MAGI2: variants seen among roughly 807,000 people sequenced by gnomAD.
The protein encoded by MAGI2 is membrane associated guanylate kinase, WW and PDZ domain containing 2.
A neutral mutation model predicts 133.3 loss-of-function variants in MAGI2; 35 were observed. That is an observed-to-expected ratio of 0.26 (90% confidence interval 0.20 to 0.35). The LOEUF is 0.35. MAGI2 is among the 10% of genes least tolerant of loss of function. The pLI is 1.00. For synonymous variants in MAGI2, 729 were observed against 710.6 expected, an observed-to-expected ratio of 1.03 and a Z score of -0.41; for missense variants, 1,636 against 1,863.4, an observed-to-expected ratio of 0.88 and a Z score of 2.25.
At chr7:79,294,721 C>CTTTTTTT (rs1161010284) in intron 1 of MAGI2, among the ~76,000 whole-genome samples, 36 of 83,180 alleles carry the variant, frequency 4.3e-4, no homozygotes, top group Admixed American at 6.1e-4. Context: ...ATTTTGGTAG[C>CTTTTTTT]TTTTTTTTTT....
intron 1 of MAGI2, among the ~76,000 whole-genome samples, chr7:79,374,337 C>A (rs1843242558): frequency 6.6e-6 from 1 of 151,616 alleles, no homozygotes; most frequent in Non-Finnish European, 1.5e-5. Flanking sequence ...CAAACACACA[C>A]ACACACACAC....
chr7:78,249,744 A>T (rs1584559886), intron 10 of MAGI2, among the ~76,000 whole-genome samples: 3 of 152,078 alleles, frequency 2.0e-5, no homozygotes, highest in Admixed American at 2.0e-4. Flanking sequence ...TGTACAAAGG[A>T]TACGAAGTTA....
chr7:79,110,155 T>C (rs2129543826), intron 1 of MAGI2, among the ~76,000 whole-genome samples: 1 of 145,204 alleles, frequency 6.9e-6, no homozygotes. Context: ...AGAGGATGCA[T>C]GGAAAAGCCT....
intron 2 of MAGI2, among the ~76,000 whole-genome samples, chr7:78,778,375 T>C (rs1375707959): frequency 6.6e-6 from 1 of 152,218 alleles, no homozygotes; most frequent in Non-Finnish European, 1.5e-5. Context: ...ATTCTCACCT[T>C]ATAACATGAT....
chr7:78,803,921 G>C (rs1436605900), intron 2 of MAGI2, among the ~76,000 whole-genome samples: 2 of 152,162 alleles, frequency 1.3e-5, no homozygotes, highest in Non-Finnish European at 2.9e-5. Flanking sequence ...GAATAAGAAA[G>C]CCATGCTTAA....
chr7:78,626,341 T>C (rs1386638929), intron 3 of MAGI2, among the ~76,000 whole-genome samples: 1 of 152,196 alleles, frequency 6.6e-6, no homozygotes, highest in South Asian at 2.1e-4. Flanking sequence ...AATTGATAAA[T>C]GCAATCATAT....
At chr7:78,852,494 A>G (rs1001340622) in intron 2 of MAGI2, among the ~76,000 whole-genome samples, 1 of 152,098 alleles carries the variant, frequency 6.6e-6, no homozygotes, top group African/African-American at 2.4e-5. Flanking sequence ...CATTCTAAAA[A>G]TTTTAAAAGT....
At chr7:79,071,403 C>A (rs915649813) in intron 1 of MAGI2, among the ~76,000 whole-genome samples, 1 of 152,144 alleles carries the variant, frequency 6.6e-6, no homozygotes, top group Non-Finnish European at 1.5e-5. Context: ...TGGGAGGTGT[C>A]TCCTAGTCAG....
chr7:78,427,317 A>C (rs1799373350), intron 6 of MAGI2, among the ~76,000 whole-genome samples: 1 of 152,152 alleles, frequency 6.6e-6, no homozygotes, highest in Non-Finnish European at 1.5e-5. Flanking sequence ...GGATAAAAAA[A>C]GGCAATCCAA....
rs373211023 is a variant in MAGI2, at chr7:78,447,644, A to G, written c.1045+42117T>C. 2.6e-5 allele frequency among the ~76,000 whole-genome samples: 4 copies of G among 152,262 alleles called. No individual in the cohort carries two copies. The East Asian group carries it at 7.7e-4, about 29-fold the overall frequency. On this transcript the variant is annotated intron_variant, in intron 6 of 21. Transcript: ENST00000354212. ...GACTAGCTCACCTGGGGACACAAAC[A>G]GAGCAAAAGAGAAGAGGCCTAAGAA...
intron 9 of MAGI2, among the ~76,000 whole-genome samples, chr7:78,310,210 G>T (rs1798582807): frequency 6.6e-6 from 1 of 152,138 alleles, no homozygotes; most frequent in Admixed American, 6.5e-5. Context: ...GCAGAGGCGG[G>T]AGGATCATGA....
At chr7:78,059,019 G>T (rs1266237073) in intron 21 of MAGI2, among the ~76,000 whole-genome samples, 1 of 152,098 alleles carries the variant, frequency 6.6e-6, no homozygotes, top group African/African-American at 2.4e-5. Context: ...AAGGCTCTTG[G>T]TATTGACAAC....
chr7:78,066,461 TA>T (rs5885038), intron 21 of MAGI2, among the ~76,000 whole-genome samples: 63,043 of 146,414 alleles, frequency 0.43, 13,428 homozygotes, highest in East Asian at 0.58. Flanking sequence ...GACTCTGTCT[TA>T]AAAAAAAAAA....
At chr7:78,610,079 AC>A (rs1287878895) in intron 3 of MAGI2, among the ~76,000 whole-genome samples, 3 of 151,918 alleles carry the variant, frequency 2.0e-5, no homozygotes, top group Admixed American at 6.6e-5. Flanking sequence ...CTTCCACTCT[AC>A]CCCTTGATTC....
chr7:79,290,359 T>C, intron 1 of MAGI2, among the ~76,000 whole-genome samples: 1 of 150,342 alleles, frequency 6.7e-6, no homozygotes, highest in African/African-American at 2.4e-5. Context: ...TATATATATG[T>C]ATATATATGT....
At chr7:79,408,335 A>G (rs1299290986) in intron 1 of MAGI2, among the ~76,000 whole-genome samples, 1 of 152,092 alleles carries the variant, frequency 6.6e-6, no homozygotes, top group Non-Finnish European at 1.5e-5. Context: ...GAAGTAATAT[A>G]TCAATATAAC....
chr7:79,059,332 C>G (rs531354982), intron 1 of MAGI2, among the ~76,000 whole-genome samples: 1 of 152,120 alleles, frequency 6.6e-6, no homozygotes, highest in South Asian at 2.1e-4. Context: ...CATCCACAAC[C>G]TCTGGCATAT....
At chr7:79,403,499 T>C (rs17840498) in intron 1 of MAGI2, among the ~76,000 whole-genome samples, 1,539 of 152,184 alleles carry the variant, frequency 0.01, 28 homozygotes, top group African/African-American at 0.035. Flanking sequence ...CACTTCTGGA[T>C]AAAGTATAGA....
chr7:78,313,322 C>T (rs1004328461), intron 9 of MAGI2, among the ~76,000 whole-genome samples: 4 of 151,928 alleles, frequency 2.6e-5, no homozygotes, highest in African/African-American at 9.7e-5. Context: ...CAAAATTGTA[C>T]TTGTATCCCC....
Sources: allele counts gnomAD v4.1 joint callset (sites outside exome capture counted in the v4.1 genomes callset), GRCh38; gene constraint gnomAD v4.1.1; transcripts MANE v1.5; gene names NCBI Gene and HGNC (gene_info 2026-07-23, HGNC 2026-07-21).